ITGBL1: variants seen among roughly 807,000 people sequenced by gnomAD.
The protein encoded by ITGBL1 is integrin beta-like protein 1.
ITGBL1 carries 51 observed loss-of-function variants against 68.5 expected under a neutral mutation model. That is an observed-to-expected ratio of 0.74 (90% CI 0.59 to 0.94). ITGBL1 has a LOEUF of 0.94. Among genes scored for constraint, ITGBL1 ranks in the 40% least tolerant of loss-of-function variants. The probability of loss-of-function intolerance (pLI) is 0.00; values close to 1 mark genes in which losing one functional copy is unlikely to be tolerated. For synonymous variants in ITGBL1, 209 were observed against 227.3 expected (o/e 0.92, Z 0.72); for missense variants, 649 against 647.4 (o/e 1.00, Z -0.03).
intron 2 of ITGBL1, among the ~76,000 whole-genome samples, chr13:101,518,635 G>T (rs1009498712): frequency 4.6e-5 from 7 of 152,160 alleles, no homozygotes; most frequent in Non-Finnish European, 1.0e-4. Flanking sequence ...TATCATTTCA[G>T]TTTGTCTTAG....
intron 7 of ITGBL1, among the ~76,000 whole-genome samples, chr13:101,660,459 G>T (rs781550872): frequency 2.6e-5 from 4 of 152,148 alleles, no homozygotes; most frequent in Non-Finnish European, 5.9e-5. Context: ...GCTAGTCTCA[G>T]GTTCTACAAT....
chr13:101,479,055 A>T (rs2048577548), intron 2 of ITGBL1, among the ~76,000 whole-genome samples: 1 of 152,148 alleles, frequency 6.6e-6, no homozygotes, highest in South Asian at 2.1e-4. Context: ...CTGACTTCAA[A>T]TTATAACACA....
intron 6 of ITGBL1, among the ~76,000 whole-genome samples, chr13:101,590,750 G>T (rs935565635): frequency 7.9e-5 from 12 of 152,100 alleles, no homozygotes; most frequent in Non-Finnish European, 1.8e-4. Context: ...CAAAGCCATT[G>T]GCTCCTGTGA....
intron 2 of ITGBL1, among the ~76,000 whole-genome samples, chr13:101,513,187 G>C (rs1207207955): frequency 6.6e-6 from 1 of 152,024 alleles, no homozygotes; most frequent in East Asian, 1.9e-4. Flanking sequence ...TGGAACCTAG[G>C]ACTTGCCTGA....
chr13:101,626,496 A>G (rs904783412), intron 7 of ITGBL1, among the ~76,000 whole-genome samples: 1 of 152,106 alleles, frequency 6.6e-6, no homozygotes, highest in Non-Finnish European at 1.5e-5. Flanking sequence ...GCTGAATCAG[A>G]CAGATCTTTC....
chr13:101,655,550 A>C (rs1176689733), intron 7 of ITGBL1, among the ~76,000 whole-genome samples: 1 of 152,186 alleles, frequency 6.6e-6, no homozygotes, highest in Non-Finnish European at 1.5e-5. Flanking sequence ...TGAAAATTTT[A>C]AGTTTCCCTC....
At chr13:101,538,676 AG>A (rs971486742) in intron 2 of ITGBL1, among the ~76,000 whole-genome samples, 42 of 152,278 alleles carry the variant, frequency 2.8e-4, no homozygotes, top group African/African-American at 9.6e-4. Flanking sequence ...AAAATTAAAA[AG>A]AAAGTGTTTC....
chr13:101,693,298 A>C (rs995303225), intron 8 of ITGBL1, among the ~76,000 whole-genome samples: 2 of 152,188 alleles, frequency 1.3e-5, no homozygotes, highest in African/African-American at 4.8e-5. Context: ...CTTGCATTGC[A>C]TTCTTGAAAA....
chr13:101,456,874 C>T (rs993575996), intron 2 of ITGBL1, among the ~76,000 whole-genome samples: 2 of 152,096 alleles, frequency 1.3e-5, no homozygotes, highest in East Asian at 1.9e-4. Context: ...GAGATGATGC[C>T]GTTGCACTCT....
At chr13:101,498,003 A>G (rs143112687) in intron 2 of ITGBL1, among the ~76,000 whole-genome samples, 478 of 152,150 alleles carry the variant, frequency 3.1e-3, no homozygotes, top group African/African-American at 0.01. Flanking sequence ...TGTTTTTCCA[A>G]TAGTAGTGTC....
At chr13:101,654,730 G>A (rs1209746746) in intron 7 of ITGBL1, among the ~76,000 whole-genome samples, 1 of 152,130 alleles carries the variant, frequency 6.6e-6, no homozygotes, top group African/African-American at 2.4e-5. Context: ...TGTTAGACAT[G>A]TAGATGTCAT....
chr13:101,504,036 G>T (rs1381681558), intron 2 of ITGBL1, among the ~76,000 whole-genome samples: 1 of 152,112 alleles, frequency 6.6e-6, no homozygotes, highest in African/African-American at 2.4e-5. Context: ...TGAAACACAG[G>T]CATGTCCTTC....
intron 7 of ITGBL1, among the ~76,000 whole-genome samples, chr13:101,646,214 C>T (rs2032554226): frequency 1.3e-5 from 2 of 152,168 alleles, no homozygotes; most frequent in South Asian, 4.1e-4. Context: ...ACATATTCCA[C>T]CACTCCACTG....
chr13:101,499,905 C>T (rs974078431), intron 2 of ITGBL1, among the ~76,000 whole-genome samples: 1 of 152,234 alleles, frequency 6.6e-6, no homozygotes, highest in Non-Finnish European at 1.5e-5. Context: ...GCTGCGTCAG[C>T]CTCCTTCCAC....
chr13:101,704,113 G>A (rs187591223), intron 8 of ITGBL1, among the ~76,000 whole-genome samples: 11 of 152,160 alleles, frequency 7.2e-5, no homozygotes, highest in Non-Finnish European at 1.3e-4. Context: ...TCAGGGCCAC[G>A]GCTGCTGACT....
intron 2 of ITGBL1, among the ~76,000 whole-genome samples, chr13:101,493,789 T>C (rs1355603557): frequency 1.3e-5 from 2 of 152,242 alleles, no homozygotes; most frequent in Non-Finnish European, 2.9e-5. Flanking sequence ...CAATCCCGGC[T>C]AAGAGCCTAT....
At chr13:101,546,047 T>C (rs1417639849) in intron 2 of ITGBL1, among the ~76,000 whole-genome samples, 1 of 152,176 alleles carries the variant, frequency 6.6e-6, no homozygotes, top group African/African-American at 2.4e-5. Context: ...TACAATATTA[T>C]AGATATTACA....
In ITGBL1 at chr13:101,472,388, A is replaced by G. The variant is rs1037136173; in HGVS notation, c.316+18288A>G. Among the ~76,000 whole-genome samples, 3 of 152,218 alleles carry G rather than the reference A, an allele frequency of 2.0e-5. No homozygotes were observed. In the South Asian group the frequency reaches 6.2e-4, roughly 32 times the overall value. ...TATATGCACATTCAGTAAGCTGCTT[A>G]CCTATGTTTTGTTACATTACTTTAA... On this transcript the variant is annotated intron_variant, in intron 2 of 10. Coordinates refer to ENST00000376180, the MANE Select transcript of ITGBL1 (RefSeq NM_004791.3).
chr13:101,612,570 T>TA (rs11369253), intron 7 of ITGBL1, among the ~76,000 whole-genome samples: 135,373 of 149,542 alleles, frequency 0.91, 61,747 homozygotes, highest in Middle Eastern at 0.98. Context: ...AATGTAATTA[T>TA]AAAAAAAAAG....
Sources: allele counts gnomAD v4.1 joint callset (sites outside exome capture counted in the v4.1 genomes callset), GRCh38; gene constraint gnomAD v4.1.1; transcripts MANE v1.5; gene names NCBI Gene and HGNC (gene_info 2026-07-23, HGNC 2026-07-21).